Variants in PAX9 observed in about 807,000 individuals in gnomAD.
The protein encoded by PAX9 is paired box 9, also known as paired box protein Pax-9.
Under a neutral mutation model 29.1 loss-of-function variants are expected in PAX9, and 6 were observed. The ratio of observed to expected loss-of-function variants is 0.21; its 90% CI spans 0.11 to 0.41. The LOEUF (loss-of-function observed/expected upper bound fraction) is 0.41, where lower values mean the gene tolerates loss of function less well. Ranked by LOEUF, PAX9 falls within the 10% of genes least tolerant of loss-of-function variation. The pLI is 1.00. For missense variants in PAX9, 443 were observed against 479.1 expected (o/e 0.92, Z 0.70); for synonymous variants, 217 against 211.7 (o/e 1.03, Z -0.22).
rs3061562 is a variant in PAX9 at position 36,672,852 on chromosome 14, C to CTTTTTTTTTTTTTTTTTTTTTTTTTTTTT, written c.772-3344_772-3316dup. Among the ~76,000 whole-genome samples the CTTTTTTTTTTTTTTTTTTTTTTTTTTTTT allele has an allele frequency of 4.1e-3, 79 of 19,164 alleles. 30 individuals are homozygous for CTTTTTTTTTTTTTTTTTTTTTTTTTTTTT. Among genetic ancestry groups the CTTTTTTTTTTTTTTTTTTTTTTTTTTTTT allele is most frequent in the Non-Finnish European group, 6.8e-3 (71 of 10,450 alleles). The allele number at this position is 19,164 out of a possible 152,430, so 12.6% of individuals were successfully genotyped here. On this transcript the variant is annotated intron_variant, in intron 3 of 3. Coordinates refer to ENST00000361487, the MANE Select transcript of PAX9 (RefSeq NM_001372076.1). ...TTCTTTTTTCTTTCTTTCTTTCTTC[C>CTTTTTTTTTTTTTTTTTTTTTTTTTTTTT]TTTTTTTTTTTTTTTTTTTTTTTTT...
intron 3 of PAX9, among the ~76,000 whole-genome samples, chr14:36,667,611 T>C (rs924524816): frequency 5.3e-5 from 8 of 152,248 alleles, no homozygotes; most frequent in African/African-American, 1.9e-4. Flanking sequence ...TTAAGTGGAA[T>C]TTGTTCCTCT....
At position 36,676,453 on chromosome 14, in the gene PAX9, T is replaced by C. The variant is rs759806958; in HGVS notation, c.*1T>C. 1.9e-6 allele frequency: 3 copies of C among 1,612,420 alleles called. No homozygotes were observed. The highest frequency in any genetic ancestry group is 2.5e-6 in the Non-Finnish European group (3 of 1,179,996). On this transcript the variant is annotated 3_prime_UTR_variant, in exon 4 of 4. Transcript: ENST00000361487. ...TTCTGTCACGGCTTCCGCGCTCTGATGGGAAATTCCGTCTCCAGCAGCTTC... is the reference window on the plus strand; with the variant it reads ...TTCTGTCACGGCTTCCGCGCTCTGACGGGAAATTCCGTCTCCAGCAGCTTC...
rs1272629011 is a variant in PAX9, at chr14:36,663,619, C to G, written c.631+96C>G. 10 of 1,483,904 alleles carry G rather than the reference C, an allele frequency of 6.7e-6. No individual in the cohort carries two copies. The East Asian group carries it at 2.1e-4, about 32-fold the overall frequency. The allele number at this position is 1,483,904 out of a possible 1,614,324, so 91.9% of individuals were successfully genotyped here. Reference sequence around the variant, plus strand: ...CTGCAGCCTCAGGGACACTGTCTTTCCCACCACCTGAGGCTTTTTCCTTTG... The same window carrying G: ...CTGCAGCCTCAGGGACACTGTCTTTGCCACCACCTGAGGCTTTTTCCTTTG... On this transcript the variant is annotated intron_variant, in intron 2 of 3. Transcript: ENST00000361487.
At chr14:36,658,241 A>C (rs541220459), upstream of PAX9, among the ~76,000 whole-genome samples, 1 of 152,102 alleles carries the variant, frequency 6.6e-6, no homozygotes, top group South Asian at 2.1e-4. Flanking sequence ...CCTTTACTGC[A>C]TTTGCCCCCA....
Position 36,666,568 on chromosome 14 carries a change from G to A in PAX9, c.738G>A (p.Lys246=), listed in dbSNP as rs893205508. The A allele has an allele frequency of 1.9e-6, 3 of 1,576,226 alleles. No homozygotes were observed. The highest frequency in any genetic ancestry group is 2.7e-5 in the African/African-American group (2 of 74,362). The change falls in exon 3 of 4, where the codon AAG becomes AAA. Residue 246 remains lysine (K), a synonymous_variant. Coordinates refer to ENST00000361487, the MANE Select transcript of PAX9 (RefSeq NM_001372076.1). ...CGCACGCGGTGAACGGGTTGGAGAA[G>A]GGAGCCCTGGAGCAGGAAGCCAAGT... ...AAPHAVNGLE[K]GALEQEAKYG...
At chr14:36,666,667 T>C in intron 3 of PAX9, 66 bp downstream of exon 3, 1 of 1,531,652 alleles carries the variant, frequency 6.5e-7, no homozygotes, top group Admixed American at 2.0e-5. Context: ...TGGAACACTT[T>C]GTGATGGGTC....
chr14:36,677,378 C>T lies in PAX9; in HGVS notation c.*926C>T, dbSNP rs1881944785. On this transcript the variant is annotated 3_prime_UTR_variant, in exon 4 of 4. Transcript: ENST00000361487. ...CGAAAAACAGATAAAACAAGCCAGT[C>T]TCCCATTTTGTACCTAATCAAACAA... 6.6e-6 allele frequency: 1 copy of T among 152,172 alleles called. No individual in the cohort carries two copies. Among genetic ancestry groups the T allele is most frequent in the South Asian group, 2.1e-4 (1 of 4,830 alleles). 9.4% of individuals were successfully genotyped at this position (152,172 alleles called of 1,614,324 possible). A position where few individuals can be genotyped will look rare whatever the true frequency, so the allele number is the denominator to read the frequency against.
In PAX9 at chr14:36,676,381, G is replaced by A. The variant is rs1881890703; in HGVS notation, c.955G>A (p.Ala319Thr). The change falls in exon 4 of 4, where the codon GCA becomes ACA. Residue 319 changes from alanine to threonine, a missense_variant. Ala to Thr is a moderately conservative substitution (Grantham distance 58). Around this residue, in one of 2 missense-constraint regions of PAX9, gnomAD observed 336 missense variants for 317.2 expected, o/e 1.06. Transcript: ENST00000361487. The stretch of plus-strand genomic sequence containing the variant: ...GTCTCCCCACAACTGTGACATTCCG[G>A]CATCGCTGGCGTTCAAGGGAATGCA... ...SLSPHNCDIP[A>T]SLAFKGMQAA... 1.2e-6 allele frequency: 2 copies of A among 1,614,018 alleles called. No homozygotes were observed. Among genetic ancestry groups the A allele is most frequent in the African/African-American group, 1.3e-5 (1 of 74,916 alleles).
intron 1 of PAX9, 51 bp downstream of exon 1, chr14:36,662,144 G>C (rs1881297972): frequency 7.1e-7 from 1 of 1,399,478 alleles, no homozygotes. Context: ...GGGAGGGAGC[G>C]AGCGGGCAAG....
Position 36,676,949 on chromosome 14 carries a change from A to C in PAX9, c.*497A>C, listed in dbSNP as rs1329621906. On this transcript the variant is annotated 3_prime_UTR_variant, in exon 4 of 4. Coordinates refer to ENST00000361487, the MANE Select transcript of PAX9 (RefSeq NM_001372076.1). ...AGTAAGCTTTAATTCATCATTAGGA[A>C]ACAAATCAATAAGTGACTTGTTTGA... 5.7e-6 allele frequency: 1 copy of C among 176,284 alleles called. No homozygotes were observed. Among genetic ancestry groups the C allele is most frequent in the Non-Finnish European group, 1.2e-5 (1 of 81,298 alleles). 10.9% of individuals were successfully genotyped at this position (176,284 alleles called of 1,614,324 possible).
In PAX9 at chr14:36,678,540, G is replaced by T; in HGVS notation, c.*2088G>T. 2.0e-6 allele frequency: 3 copies of T among 1,536,574 alleles called. No individual in the cohort carries two copies. The highest frequency in any genetic ancestry group is 2.6e-6 in the Non-Finnish European group (3 of 1,146,586). The stretch of plus-strand genomic sequence containing the variant: ...GAACAAAGATCCAATCCAATATTTT[G>T]GTGGAGACTTCTTTAAAACCATACC... On this transcript the variant is annotated 3_prime_UTR_variant, in exon 4 of 4. Transcript: ENST00000361487.
intron 3 of PAX9, among the ~76,000 whole-genome samples, chr14:36,670,850 T>C (rs781649048): frequency 2.6e-5 from 4 of 152,080 alleles, no homozygotes; most frequent in Admixed American, 6.5e-5. Context: ...CGGCTTTCCA[T>C]TTCTTAGAGA....
At chr14:36,672,966 A>G (rs973914197) in intron 3 of PAX9, among the ~76,000 whole-genome samples, 3 of 143,562 alleles carry the variant, frequency 2.1e-5, no homozygotes, top group Non-Finnish European at 1.5e-5. Flanking sequence ...CCCGGGTTCA[A>G]GCAATTTTCC....
rs1881488651 is a variant in PAX9, at chr14:36,666,409, G to A, written c.632-53G>A. 4 of 1,589,278 alleles carry A rather than the reference G, an allele frequency of 2.5e-6. No homozygotes were observed. The Admixed American group carries it at 5.2e-5, about 21-fold the overall frequency. On this transcript the variant is annotated intron_variant, in intron 2 of 3. Coordinates refer to ENST00000361487, the MANE Select transcript of PAX9 (RefSeq NM_001372076.1). ...CGCGGGTTTGGGTCCCGTCTCAAGA[G>A]TGGGGCGCGCGGGCTGGGCCTCCGG...
intron 1 of PAX9, 111 bp downstream of exon 1, chr14:36,662,204 A>T (rs1023687085): frequency 3.3e-6 from 4 of 1,212,852 alleles, no homozygotes; most frequent in Non-Finnish European, 3.4e-6. Context: ...AGGCGCTCAC[A>T]TTCTCTATTG....
rs1881498095 is a variant in PAX9, at chr14:36,666,539, G to T, written c.709G>T (p.Ala237Ser). ...GGGCCGCAACAACTTCCCCGCCGCC[G>T]CCCCGCACGCGGTGAACGGGTTGGA... The part of the protein sequence containing the change: ...SLGRNNFPAA[A>S]PHAVNGLEKG... The change falls in exon 3 of 4, where the codon GCC (alanine) becomes TCC (serine). Residue 237 changes from alanine to serine, a missense_variant. Ala to Ser is a moderately conservative substitution (Grantham distance 99). Around this residue, in one of 2 missense-constraint regions of PAX9, gnomAD observed 336 missense variants for 317.2 expected, o/e 1.06. Coordinates refer to ENST00000361487, the MANE Select transcript of PAX9 (RefSeq NM_001372076.1). 1.3e-6 allele frequency: 2 copies of T among 1,592,978 alleles called. No individual in the cohort carries two copies. The highest frequency in any genetic ancestry group is 1.3e-5 in the African/African-American group (1 of 74,516).
rs1207742993 is a variant in PAX9 at position 36,678,863 on chromosome 14, C to T, written c.*2411C>T. On this transcript the variant is annotated 3_prime_UTR_variant, in exon 4 of 4. Transcript: ENST00000361487. ...AGTAATTTTTAAAAGATATCAGATACAATTTGCTATTCAAAGAAAATTATG... is the reference window on the plus strand; with the variant it reads ...AGTAATTTTTAAAAGATATCAGATATAATTTGCTATTCAAAGAAAATTATG... 1 of 973,022 alleles carries T rather than the reference C, an allele frequency of 1.0e-6. No individual in the cohort carries two copies. 60.3% of individuals were successfully genotyped at this position (973,022 alleles called of 1,614,324 possible). A position where few individuals can be genotyped will look rare whatever the true frequency, so the allele number is the denominator to read the frequency against.
rs1292114844 is a variant in PAX9 at position 36,677,644 on chromosome 14, C to A, written c.*1192C>A. 1 of 152,198 alleles carries A rather than the reference C, an allele frequency of 6.6e-6. No individual in the cohort carries two copies. The highest frequency in any genetic ancestry group is 2.4e-5 in the African/African-American group (1 of 41,446). The allele number at this position is 152,198 out of a possible 1,614,324, so 9.4% of individuals were successfully genotyped here. A position where few individuals can be genotyped will look rare whatever the true frequency, so the allele number is the denominator to read the frequency against. ...TTTAAAGAAAATGGAAAATTCTGCT[C>A]TAATGAATGTAACAATGGCTTGCTG... On this transcript the variant is annotated 3_prime_UTR_variant, in exon 4 of 4. Transcript: ENST00000361487.
rs1292625862 is a variant in PAX9, at chr14:36,674,679, AAT to A, written c.772-1516_772-1515del. Among the ~76,000 whole-genome samples, 7 of 152,314 alleles carry A rather than the reference AAT, an allele frequency of 4.6e-5. No homozygotes were observed. The East Asian group carries it at 1.3e-3, about 29-fold the overall frequency. The stretch of plus-strand genomic sequence containing the variant: ...TTCATTAATACTCATTACTCAGTAA[AAT>A]ATGTTGGATATTTCTTGGTGCCTGG... On this transcript the variant is annotated intron_variant, in intron 3 of 3. Transcript: ENST00000361487.
Sources: allele counts gnomAD v4.1 joint callset (sites outside exome capture counted in the v4.1 genomes callset), GRCh38; gene constraint gnomAD v4.1.1; regional missense constraint gnomAD v4.1.1; transcripts MANE v1.5; gene names NCBI Gene and HGNC (gene_info 2026-07-23, HGNC 2026-07-21).